AGBL4: variants seen among roughly 807,000 people sequenced by gnomAD.
AGBL4 encodes AGBL carboxypeptidase 4, also known as cytosolic carboxypeptidase 6.
AGBL4 carries 58 observed loss-of-function variants against 66.4 expected under a neutral mutation model. The observed-to-expected ratio is 0.87, with a 90% CI of 0.71 to 1.09. AGBL4 has a LOEUF of 1.09. Among genes scored for constraint, AGBL4 ranks in the 50% least tolerant of loss-of-function variants. AGBL4 has a pLI of 0.00. For missense variants in AGBL4, 579 were observed against 631.0 expected (o/e 0.92, Z 0.88); for synonymous variants, 234 against 222.9 (o/e 1.05, Z -0.44).
At chr1:48,854,210 G>A (rs375974482) in intron 6 of AGBL4, among the ~76,000 whole-genome samples, 1 of 152,128 alleles carries the variant, frequency 6.6e-6, no homozygotes, top group Admixed American at 6.5e-5. Context: ...AGGAACCCAG[G>A]TCTACCTGGT....
chr1:49,052,432 T>A (rs1644235885), intron 4 of AGBL4, among the ~76,000 whole-genome samples: 1 of 152,194 alleles, frequency 6.6e-6, no homozygotes, highest in Non-Finnish European at 1.5e-5. Context: ...TGGATTCTAG[T>A]CCAAGCTCTT....
rs756942538 is a variant in AGBL4 at position 49,589,203 on chromosome 1, G to T, written c.282+108110C>A. On this transcript the variant is annotated intron_variant, in intron 3 of 13. Transcript: ENST00000371839. ...TATTTAATATTGTTGAGTATAAATG[G>T]CTTTAAATCAAAGCATGATGTGAGA... Among the ~76,000 whole-genome samples, 26 of 152,084 alleles carry T rather than the reference G, an allele frequency of 1.7e-4. 1 individual carries two copies. The highest frequency in any genetic ancestry group is 6.8e-3 in the Middle Eastern group (2 of 294).
At chr1:48,600,862 C>T (rs1450644837) in intron 9 of AGBL4, among the ~76,000 whole-genome samples, 1 of 152,192 alleles carries the variant, frequency 6.6e-6, no homozygotes, top group African/African-American at 2.4e-5. Flanking sequence ...TACAATCTGA[C>T]TCTACTTGCA....
chr1:49,567,144 T>C (rs904348542), intron 3 of AGBL4, among the ~76,000 whole-genome samples: 1 of 152,218 alleles, frequency 6.6e-6, no homozygotes, highest in Non-Finnish European at 1.5e-5. Flanking sequence ...GTTAAGACCA[T>C]TGGAAAAGTG....
At chr1:48,984,938 G>T (rs923966853) in intron 5 of AGBL4, among the ~76,000 whole-genome samples, 4 of 152,042 alleles carry the variant, frequency 2.6e-5, no homozygotes, top group Non-Finnish European at 4.4e-5. Flanking sequence ...GGAGTAGAGA[G>T]AGATTAGGAT....
chr1:48,846,236 A>T (rs983660503), intron 6 of AGBL4, among the ~76,000 whole-genome samples: 1 of 152,114 alleles, frequency 6.6e-6, no homozygotes, highest in African/African-American at 2.4e-5. Context: ...GGGGCCTGCT[A>T]TACCTGGGTT....
intron 5 of AGBL4, among the ~76,000 whole-genome samples, chr1:48,911,834 T>C (rs1261044692): frequency 6.6e-6 from 1 of 152,216 alleles, no homozygotes; most frequent in African/African-American, 2.4e-5. Flanking sequence ...TTTTGCCAGT[T>C]AAAAGTAATT....
chr1:49,241,136 A>G (rs757372222), intron 4 of AGBL4, among the ~76,000 whole-genome samples: 1 of 152,054 alleles, frequency 6.6e-6, no homozygotes, highest in Non-Finnish European at 1.5e-5. Flanking sequence ...TTGCAAAAAC[A>G]TCCAAATAAT....
At chr1:48,906,848 A>G (rs1652644246) in intron 5 of AGBL4, among the ~76,000 whole-genome samples, 1 of 152,224 alleles carries the variant, frequency 6.6e-6, no homozygotes, top group Admixed American at 6.5e-5. Context: ...AAATAAGTAA[A>G]TAAGTACATT....
rs556814139 is a variant in AGBL4, at chr1:49,282,812, C to T, written c.283-36948G>A. Among the ~76,000 whole-genome samples, 17 of 152,216 alleles carry T rather than the reference C, an allele frequency of 1.1e-4. 1 individual carries two copies. The highest frequency in any genetic ancestry group is 3.9e-4 in the East Asian group (2 of 5,148). On this transcript the variant is annotated intron_variant, in intron 3 of 13. Transcript: ENST00000371839. ...CCACCCGAATATTGCGCTTTTCGGA[C>T]GGGCTTAAAAAACGGCGCACCAAGA... is the stretch of plus-strand genomic sequence containing the variant.
chr1:48,709,284 C>T (rs1184256384), intron 6 of AGBL4, among the ~76,000 whole-genome samples: 1 of 152,208 alleles, frequency 6.6e-6, no homozygotes, highest in Non-Finnish European at 1.5e-5. Flanking sequence ...GATAAAAATA[C>T]TACTTGTTTA....
intron 3 of AGBL4, among the ~76,000 whole-genome samples, chr1:49,382,513 C>G (rs950231418): frequency 2.0e-5 from 3 of 151,762 alleles, no homozygotes; most frequent in African/African-American, 7.3e-5. Context: ...AGGAAGTTAC[C>G]TCAACATAAA....
chr1:48,969,608 C>G (rs982752440), intron 5 of AGBL4, among the ~76,000 whole-genome samples: 2 of 151,878 alleles, frequency 1.3e-5, no homozygotes, highest in Non-Finnish European at 2.9e-5. Flanking sequence ...TCCCTTATTC[C>G]CTCTCTCTCC....
At chr1:48,842,784 A>G (rs1646833771) in intron 6 of AGBL4, among the ~76,000 whole-genome samples, 1 of 152,194 alleles carries the variant, frequency 6.6e-6, no homozygotes, top group Non-Finnish European at 1.5e-5. Flanking sequence ...CCATCGAGGG[A>G]TGAATAGATA....
At chr1:49,287,731 T>C (rs1463126899) in intron 3 of AGBL4, among the ~76,000 whole-genome samples, 1 of 149,398 alleles carries the variant, frequency 6.7e-6, no homozygotes, top group African/African-American at 2.5e-5. Context: ...CTGGAGAGGA[T>C]GTGGAGAAAT....
intron 4 of AGBL4, among the ~76,000 whole-genome samples, chr1:49,088,478 A>G (rs1348877656): frequency 1.3e-5 from 2 of 152,180 alleles, no homozygotes; most frequent in Admixed American, 6.5e-5. Context: ...AGGATTTTAA[A>G]CCAACAATGA....
At chr1:49,936,267 C>G (rs555137319) in intron 1 of AGBL4, among the ~76,000 whole-genome samples, 20 of 152,038 alleles carry the variant, frequency 1.3e-4, no homozygotes, top group Admixed American at 9.2e-4. Context: ...TGAAATGAAG[C>G]AAGAAGGGAA....
rs185175076 is a variant in AGBL4 at position 49,549,412 on chromosome 1, G to A, written c.282+147901C>T. On this transcript the variant is annotated intron_variant, in intron 3 of 13. Transcript: ENST00000371839. ...CTCTTTCAATCTTTTTGATGTAGGC[G>A]TTGAGGGCTGTGGACTTTTCTCTTG... 2.9e-3 allele frequency among the ~76,000 whole-genome samples: 446 copies of A among 151,990 alleles called. 3 individuals are homozygous for A. Among genetic ancestry groups the A allele is most frequent in the African/African-American group, 0.01 (417 of 41,492 alleles).
intron 6 of AGBL4, among the ~76,000 whole-genome samples, chr1:48,696,315 G>A (rs972005165): frequency 5.9e-5 from 9 of 152,234 alleles, no homozygotes; most frequent in Admixed American, 3.9e-4. Flanking sequence ...TGTCACTCAC[G>A]TTGAGCTTGG....
Sources: allele counts gnomAD v4.1 joint callset (sites outside exome capture counted in the v4.1 genomes callset), GRCh38; gene constraint gnomAD v4.1.1; transcripts MANE v1.5; gene names NCBI Gene and HGNC (gene_info 2026-07-23, HGNC 2026-07-21).